NCAM1: variants seen among roughly 807,000 people sequenced by gnomAD.
The protein encoded by NCAM1 is antigen recognized by monoclonal antibody 5.1H11.
NCAM1 carries 14 observed loss-of-function variants against 109.8 expected under a neutral mutation model. The observed-to-expected ratio is 0.13, with a 90% CI of 0.08 to 0.20. The LOEUF (loss-of-function observed/expected upper bound fraction) is 0.20. NCAM1 is among the 10% of genes least tolerant of loss of function. The probability of loss-of-function intolerance (pLI) is 1.00; values close to 1 mark genes in which losing one functional copy is unlikely to be tolerated. For synonymous variants in NCAM1, 418 were observed against 442.9 expected, an observed-to-expected ratio of 0.94 and a Z score of 0.70; for missense variants, 774 against 1,109.9, an observed-to-expected ratio of 0.70 and a Z score of 4.30.
At chr11:113,199,843 A>AAAAT (rs1565494531) in intron 1 of NCAM1, among the ~76,000 whole-genome samples, 1 of 151,366 alleles carries the variant, frequency 6.6e-6, no homozygotes, top group Non-Finnish European at 1.5e-5. Context: ...AAAAAAAAAA[A>AAAAT]AAAAAACTTC....
chr11:112,965,609 T>G (rs1950711041), intron 1 of NCAM1, among the ~76,000 whole-genome samples: 1 of 152,232 alleles, frequency 6.6e-6, no homozygotes, highest in Admixed American at 6.5e-5. Context: ...TTGTAAAATT[T>G]ACACTGCTTA....
intron 1 of NCAM1, among the ~76,000 whole-genome samples, chr11:113,106,691 C>T (rs1555092644): frequency 6.6e-6 from 1 of 152,166 alleles, no homozygotes; most frequent in Non-Finnish European, 1.5e-5. Context: ...AGAATGCTCT[C>T]TAGGCCCACT....
chr11:112,962,708 C>T lies in NCAM1; in HGVS notation c.52+1044C>T, dbSNP rs1950603068. ...CATTTCATTTTGGCTATTTCCATCC[C>T]GGCCTCCCTGGAAAATTCTTCTGTG... On this transcript the variant is annotated intron_variant, in intron 1 of 19. Coordinates refer to ENST00000316851, the MANE Select transcript of NCAM1 (RefSeq NM_181351.5). This position sits in a 1 kb window ranked among gnomAD's most constrained non-coding sequence, Gnocchi z 5.6. Among the ~76,000 whole-genome samples the T allele has an allele frequency of 6.6e-6, 1 of 152,048 alleles. No homozygotes were observed. Among genetic ancestry groups the T allele is most frequent in the South Asian group, 2.1e-4 (1 of 4,814 alleles).
chr11:113,233,080 G>T lies in NCAM1; in HGVS notation c.1523-67G>T. On this transcript the variant is annotated intron_variant, in intron 12 of 19. Coordinates refer to ENST00000316851, the MANE Select transcript of NCAM1 (RefSeq NM_181351.5). This position sits in a 1 kb window ranked among gnomAD's most constrained non-coding sequence, Gnocchi z 4.5. Reference sequence around the variant, plus strand: ...CAGAAATGACAGAGATGTGCCTTGTGACTGAGAGTTAATGGTCTTGGGCCA... The same window carrying T: ...CAGAAATGACAGAGATGTGCCTTGTTACTGAGAGTTAATGGTCTTGGGCCA... The T allele has an allele frequency of 6.8e-7, 1 of 1,462,180 alleles. No homozygotes were observed. The highest frequency in any genetic ancestry group is 1.3e-5 in the South Asian group (1 of 78,614). The allele number at this position is 1,462,180 out of a possible 1,614,324, so 90.6% of individuals were successfully genotyped here.
At chr11:113,055,485 A>G (rs909030656) in intron 1 of NCAM1, among the ~76,000 whole-genome samples, 2 of 152,204 alleles carry the variant, frequency 1.3e-5, no homozygotes, top group African/African-American at 2.4e-5. Flanking sequence ...ATATCCAGGA[A>G]GATAAAAAGA....
chr11:113,059,060 C>T (rs2135468653), intron 1 of NCAM1, among the ~76,000 whole-genome samples: 1 of 152,322 alleles, frequency 6.6e-6, no homozygotes, highest in Admixed American at 6.5e-5. Flanking sequence ...CTGGACGGCA[C>T]TAAAGAAGTG....
chr11:113,212,890 A>G (rs559839302), intron 7 of NCAM1, among the ~76,000 whole-genome samples: 14 of 152,312 alleles, frequency 9.2e-5, no homozygotes, highest in African/African-American at 2.9e-4. Flanking sequence ...AACCTCATTC[A>G]TGTGGACTCC....
chr11:113,165,031 T>C (rs185532755), intron 1 of NCAM1, among the ~76,000 whole-genome samples: 3 of 152,198 alleles, frequency 2.0e-5, no homozygotes, highest in Non-Finnish European at 4.4e-5. Context: ...AAAGACAAAA[T>C]ATATGTTTCT....
intron 1 of NCAM1, among the ~76,000 whole-genome samples, chr11:113,147,125 G>T (rs1042909053): frequency 1.3e-5 from 2 of 152,130 alleles, no homozygotes; most frequent in Non-Finnish European, 2.9e-5. Context: ...TCAGGAAAAG[G>T]CCTACAAAAC....
intron 1 of NCAM1, among the ~76,000 whole-genome samples, chr11:113,081,523 C>T (rs1938817415): frequency 6.6e-6 from 1 of 151,776 alleles, no homozygotes; most frequent in Admixed American, 6.6e-5. Flanking sequence ...CACAAGCGAC[C>T]AAATACTTTT....
intron 1 of NCAM1, among the ~76,000 whole-genome samples, chr11:113,194,549 T>A (rs965385043): frequency 1.3e-5 from 2 of 152,160 alleles, no homozygotes; most frequent in Non-Finnish European, 2.9e-5. Flanking sequence ...TTCAAGTGCA[T>A]TTGGTTTAGA....
chr11:113,081,026 C>T (rs555384413), intron 1 of NCAM1, among the ~76,000 whole-genome samples: 2 of 152,302 alleles, frequency 1.3e-5, no homozygotes, highest in South Asian at 4.1e-4. Context: ...TTAGCCTTTA[C>T]ATTTTATAAA....
chr11:113,218,610 G>A (rs1391533235), intron 8 of NCAM1, among the ~76,000 whole-genome samples: 3 of 152,154 alleles, frequency 2.0e-5, no homozygotes, highest in African/African-American at 7.2e-5. Context: ...GAGCGTGAAT[G>A]TCACACTCTA....
chr11:113,143,017 T>C (rs1941885499), intron 1 of NCAM1, among the ~76,000 whole-genome samples: 12 of 152,200 alleles, frequency 7.9e-5, no homozygotes. Context: ...TCCTGAATAA[T>C]GACTGTGTCT....
At chr11:113,025,399 C>T (rs1465989432) in intron 1 of NCAM1, among the ~76,000 whole-genome samples, 2 of 152,088 alleles carry the variant, frequency 1.3e-5, no homozygotes, top group African/African-American at 4.8e-5. Context: ...CCTACTTCTG[C>T]ATCATGAATG....
chr11:113,180,371 G>C (rs138409519), intron 1 of NCAM1, among the ~76,000 whole-genome samples: 10 of 152,334 alleles, frequency 6.6e-5, no homozygotes, highest in African/African-American at 2.4e-4. Flanking sequence ...TGGGCTTATA[G>C]GTATCTCCAA....
intron 15 of NCAM1, among the ~76,000 whole-genome samples, chr11:113,250,982 G>T (rs1194446421): frequency 6.6e-6 from 1 of 151,944 alleles, no homozygotes; most frequent in Non-Finnish European, 1.5e-5. Context: ...TATTTTTTTA[G>T]TAGAGATGGG....
At chr11:113,108,679 TTTC>T (rs1940281470) in intron 1 of NCAM1, among the ~76,000 whole-genome samples, 1 of 152,058 alleles carries the variant, frequency 6.6e-6, no homozygotes, top group African/African-American at 2.4e-5. Flanking sequence ...CTGAAATAAG[TTTC>T]TTCTTTAACT....
chr11:112,972,078 A>G (rs1950898898), intron 1 of NCAM1, among the ~76,000 whole-genome samples: 1 of 152,140 alleles, frequency 6.6e-6, no homozygotes, highest in Non-Finnish European at 1.5e-5. Flanking sequence ...CTTTAAAGTT[A>G]TAAGCTTGAG....
Sources: allele counts gnomAD v4.1 joint callset (sites outside exome capture counted in the v4.1 genomes callset), GRCh38; gene constraint gnomAD v4.1.1; non-coding constraint Gnocchi (gnomAD v3.1); transcripts MANE v1.5; gene names NCBI Gene and HGNC (gene_info 2026-07-23, HGNC 2026-07-21).